The following DYNC2H1 variants were observed in gnomAD, a reference collection of about 807,000 sequenced individuals.
DYNC2H1 encodes the protein cytoplasmic dynein 2 heavy chain 1.
A neutral mutation model predicts 570.0 loss-of-function variants in DYNC2H1; 410 were observed. The ratio of observed to expected loss-of-function variants is 0.72; its 90% CI spans 0.66 to 0.78. The LOEUF (loss-of-function observed/expected upper bound fraction) is 0.78, where lower values mean the gene tolerates loss of function less well. DYNC2H1 is among the 30% of genes least tolerant of loss of function. The probability of loss-of-function intolerance (pLI) is 0.00; values close to 1 mark genes in which losing one functional copy is unlikely to be tolerated. For missense variants in DYNC2H1, 4,865 were observed against 5,046.4 expected (o/e 0.96, Z 1.09); for synonymous variants, 1,688 against 1,677.6 (o/e 1.01, Z -0.15).
At chr11:103,258,778 G>C (rs983201755) in intron 69 of DYNC2H1, among the ~76,000 whole-genome samples, 3 of 152,204 alleles carry the variant, frequency 2.0e-5, no homozygotes, top group Non-Finnish European at 2.9e-5. Flanking sequence ...ACTGGCTGAA[G>C]CAGTCACAAA....
chr11:103,246,120 C>G (rs1864605483), intron 65 of DYNC2H1, among the ~76,000 whole-genome samples: 1 of 151,950 alleles, frequency 6.6e-6, no homozygotes, highest in African/African-American at 2.4e-5. Flanking sequence ...GTAGTGGGGC[C>G]TTTGTAACAT....
intron 85 of DYNC2H1, among the ~76,000 whole-genome samples, chr11:103,453,615 C>CACAT (rs753913768): frequency 7.3e-6 from 1 of 136,608 alleles, no homozygotes; most frequent in Non-Finnish European, 1.5e-5. Flanking sequence ...TTAGTTTAGA[C>CACAT]ATATATATAT....
At position 103,156,593 on chromosome 11, in the gene DYNC2H1, A is replaced by G. The variant is rs760553909; in HGVS notation, c.3950A>G (p.Tyr1317Cys). The change falls in exon 26 of 89, where the codon TAT becomes TGT. Residue 1317 changes from tyrosine to cysteine, a missense_variant. Coordinates refer to ENST00000375735, the MANE Select transcript of DYNC2H1 (RefSeq NM_001377.3). ...CLLQSLKDSP[Y>C]YKGFEDKVSI... ...CTCCAATCCTTAAAGGATTCTCCTT[A>G]TTATAAAGGATTTGAAGATAAAGTA... 2 of 1,613,474 alleles carry G rather than the reference A, an allele frequency of 1.2e-6. No individual in the cohort carries two copies. The highest frequency in any genetic ancestry group is 1.7e-6 in the Non-Finnish European group (2 of 1,179,606).
chr11:103,447,957 C>G (rs539260975), intron 85 of DYNC2H1, among the ~76,000 whole-genome samples: 167 of 151,998 alleles, frequency 1.1e-3, no homozygotes, highest in Non-Finnish European at 1.6e-3. Flanking sequence ...ATTTGCAACT[C>G]TCTGATAAAT....
At position 103,268,512 on chromosome 11, in the gene DYNC2H1, A is replaced by G. The variant is rs1271721186; in HGVS notation, c.10695+8535A>G. On this transcript the variant is annotated intron_variant, in intron 70 of 88. Transcript: ENST00000375735. This position sits in a 1 kb window ranked among gnomAD's most constrained non-coding sequence, Gnocchi z 4.6. ...TTGTATGAGTAGTTTTTTTAAATGT[A>G]GTTTTAATCTGTTTTATTTTCTAGG... Among the ~76,000 whole-genome samples the G allele has an allele frequency of 1.3e-5, 2 of 151,908 alleles. No homozygotes were observed. Among genetic ancestry groups the G allele is most frequent in the Non-Finnish European group, 2.9e-5 (2 of 67,864 alleles).
intron 82 of DYNC2H1, among the ~76,000 whole-genome samples, chr11:103,343,256 G>T (rs370531201): frequency 1.6e-4 from 25 of 152,222 alleles, no homozygotes; most frequent in African/African-American, 5.8e-4. Flanking sequence ...TCGCCCAAGC[G>T]CAACTCGACC....
At chr11:103,389,506 G>A (rs1049082516) in intron 83 of DYNC2H1, among the ~76,000 whole-genome samples, 3 of 151,844 alleles carry the variant, frequency 2.0e-5, no homozygotes, top group Non-Finnish European at 4.4e-5. Flanking sequence ...CTTCATTTCT[G>A]CTCTGATCTT....
intron 12 of DYNC2H1, among the ~76,000 whole-genome samples, chr11:103,127,001 T>C (rs1859037137): frequency 6.6e-6 from 1 of 152,232 alleles, no homozygotes; most frequent in African/African-American, 2.4e-5. Context: ...AAGTACTATA[T>C]TACAGATGTT....
chr11:103,140,894 T>G (rs1859880959), intron 17 of DYNC2H1, among the ~76,000 whole-genome samples: 1 of 152,172 alleles, frequency 6.6e-6, no homozygotes, highest in African/African-American at 2.4e-5. Context: ...CTTGGGGGCT[T>G]TGCTCATTTC....
Position 103,153,309 on chromosome 11 carries a change from G to A in DYNC2H1, c.3103G>A (p.Val1035Met), listed in dbSNP as rs760245909. The A allele has an allele frequency of 8.5e-6, 13 of 1,534,734 alleles. No individual in the cohort carries two copies. In the South Asian group the frequency reaches 1.5e-4, roughly 18 times the overall value. ...HQLMIKDQIEVMKGNVKSRLQ... is the reference protein window; with the variant it reads ...HQLMIKDQIEMMKGNVKSRLQ... ...AAATTTTATTGGCTTATAGATTGAA[G>A]TGATGAAAGGAAATGTGAAATCACG... Residue 1035 changes from valine to methionine, a missense_variant, in exon 22 of 89, where the codon GTG (valine) becomes ATG (methionine). Physicochemically the swap from Val to Met is conservative, Grantham distance 21. Coordinates refer to ENST00000375735, the MANE Select transcript of DYNC2H1 (RefSeq NM_001377.3).
intron 83 of DYNC2H1, among the ~76,000 whole-genome samples, chr11:103,387,203 T>G (rs1294967840): frequency 6.6e-6 from 1 of 152,252 alleles, no homozygotes; most frequent in Non-Finnish European, 1.5e-5. Context: ...CTAACTGGTG[T>G]GAGATGGTAT....
Position 103,163,155 on chromosome 11 carries a change from G to T in DYNC2H1, c.4611+8G>T. 1 of 1,606,094 alleles carries T rather than the reference G, an allele frequency of 6.2e-7. No homozygotes were observed. Among genetic ancestry groups the T allele is most frequent in the Non-Finnish European group, 8.5e-7 (1 of 1,175,534 alleles). ...TCTCTGTTCCCTTCACAGGTAAGGGGGCTTACGTGTAGAAGCTACATAGGC... is the reference window on the plus strand; with the variant it reads ...TCTCTGTTCCCTTCACAGGTAAGGGTGCTTACGTGTAGAAGCTACATAGGC... On this transcript the variant is annotated splice_region_variant and intron_variant, in intron 30 of 88. Coordinates refer to ENST00000375735, the MANE Select transcript of DYNC2H1 (RefSeq NM_001377.3). This position sits in a 1 kb window ranked among gnomAD's most constrained non-coding sequence, Gnocchi z 4.6.
intron 83 of DYNC2H1, among the ~76,000 whole-genome samples, chr11:103,386,690 C>G (rs1443738865): frequency 6.6e-6 from 1 of 152,078 alleles, no homozygotes; most frequent in Non-Finnish European, 1.5e-5. Flanking sequence ...GTGATGTTCC[C>G]CTTCCTGTGT....
chr11:103,441,655 A>G (rs1944271815), intron 85 of DYNC2H1, among the ~76,000 whole-genome samples: 1 of 152,100 alleles, frequency 6.6e-6, no homozygotes, highest in Admixed American at 6.6e-5. Context: ...CTTTTTTCCA[A>G]TCATCAAGAT....
At chr11:103,312,388 A>G (rs527437211) in intron 79 of DYNC2H1, among the ~76,000 whole-genome samples, 1 of 149,782 alleles carries the variant, frequency 6.7e-6, no homozygotes, top group East Asian at 2.0e-4. Context: ...CTCAAAAAAA[A>G]AAAAAAAAAA....
chr11:103,466,691 A>T (rs1945205386), intron 87 of DYNC2H1, among the ~76,000 whole-genome samples: 1 of 152,216 alleles, frequency 6.6e-6, no homozygotes, highest in South Asian at 2.1e-4. Flanking sequence ...TAGGAAATGA[A>T]ATTAAGACCA....
chr11:103,462,024 A>AGTCT (rs1231982316), intron 87 of DYNC2H1, among the ~76,000 whole-genome samples: 1 of 152,184 alleles, frequency 6.6e-6, no homozygotes, highest in African/African-American at 2.4e-5. Context: ...AATATTGACC[A>AGTCT]GTCTTCAAAA....
chr11:103,240,803 T>C (rs1864397118), intron 63 of DYNC2H1, among the ~76,000 whole-genome samples: 1 of 152,182 alleles, frequency 6.6e-6, no homozygotes, highest in Admixed American at 6.6e-5. Context: ...CCTCAATTAA[T>C]ATATTTTAGT....
chr11:103,340,538 A>C (rs1430102435), intron 82 of DYNC2H1, among the ~76,000 whole-genome samples: 3 of 152,202 alleles, frequency 2.0e-5, no homozygotes, highest in Non-Finnish European at 4.4e-5. Flanking sequence ...ATATTGGGTA[A>C]AAATAATTAG....
Sources: gnomAD v4.1 joint callset for allele counts (sites outside exome capture counted in the v4.1 genomes callset) on GRCh38, gnomAD v4.1.1 for gene constraint, Gnocchi (gnomAD v3.1) non-coding constraint, MANE v1.5 for transcripts, NCBI Gene and HGNC (gene_info 2026-07-23, HGNC 2026-07-21) for gene names.